The following GRIK2 variants were observed in gnomAD, a reference collection of about 807,000 sequenced individuals.
GRIK2 encodes the protein glutamate ionotropic receptor kainate type subunit 2, also known as glutamate receptor ionotropic, kainate 2.
A neutral mutation model predicts 100.3 loss-of-function variants in GRIK2; 32 were observed. That is an observed-to-expected ratio of 0.32 (90% confidence interval 0.24 to 0.43). GRIK2 has a LOEUF of 0.43. Ranked by LOEUF, GRIK2 falls within the 20% of genes least tolerant of loss-of-function variation. The pLI is 1.00. For missense variants in GRIK2, 843 were observed against 1,114.9 expected (o/e 0.76, Z 3.47); for synonymous variants, 417 against 389.4 (o/e 1.07, Z -0.83).
At chr6:101,775,695 G>A (rs1331747536) in intron 7 of GRIK2, among the ~76,000 whole-genome samples, 1 of 151,368 alleles carries the variant, frequency 6.6e-6, no homozygotes, top group Non-Finnish European at 1.5e-5. Flanking sequence ...ATTTCTAGGA[G>A]GTAATACATT....
At chr6:101,534,097 T>A (rs1489907535) in intron 2 of GRIK2, among the ~76,000 whole-genome samples, 1 of 151,692 alleles carries the variant, frequency 6.6e-6, no homozygotes, top group Non-Finnish European at 1.5e-5. Flanking sequence ...AGTTATGGAT[T>A]AAGTTAATCA....
rs149537179 is a variant in GRIK2 at position 101,947,873 on chromosome 6, C to T, written c.2085+19241C>T. On this transcript the variant is annotated intron_variant, in intron 14 of 16. Coordinates refer to ENST00000369134, the MANE Select transcript of GRIK2 (RefSeq NM_021956.5). Reference sequence around the variant, plus strand: ...TATCCTTTGATATTTGTCAGACATGCTTAACCCCAACTAGGAGAATGTTGT... The same window carrying T: ...TATCCTTTGATATTTGTCAGACATGTTTAACCCCAACTAGGAGAATGTTGT... 4.7e-3 allele frequency among the ~76,000 whole-genome samples: 719 copies of T among 152,206 alleles called. 8 individuals are homozygous for T. The highest frequency in any genetic ancestry group is 0.017 in the African/African-American group (702 of 41,544).
chr6:102,034,698 C>A (rs555828571), intron 14 of GRIK2, among the ~76,000 whole-genome samples: 1 of 151,264 alleles, frequency 6.6e-6, no homozygotes, highest in African/African-American at 2.4e-5. Flanking sequence ...ATTTAGTAGG[C>A]CTGAATAATA....
At chr6:101,707,532 G>A (rs1773391952) in intron 7 of GRIK2, among the ~76,000 whole-genome samples, 1 of 139,582 alleles carries the variant, frequency 7.2e-6, no homozygotes. Context: ...AAATATATAT[G>A]TGTGTATATA....
intron 2 of GRIK2, among the ~76,000 whole-genome samples, chr6:101,584,647 T>C (rs1404575685): frequency 6.6e-6 from 1 of 152,038 alleles, no homozygotes; most frequent in Non-Finnish European, 1.5e-5. Context: ...TTCTGTACTG[T>C]ACAATTGTTT....
intron 2 of GRIK2, among the ~76,000 whole-genome samples, chr6:101,574,488 A>T (rs1777708434): frequency 6.6e-6 from 1 of 151,218 alleles, no homozygotes; most frequent in Admixed American, 6.6e-5. Context: ...AGAAGGAAAA[A>T]CAAACATGTA....
At chr6:101,459,173 C>T (rs1771166620) in intron 2 of GRIK2, among the ~76,000 whole-genome samples, 1 of 151,862 alleles carries the variant, frequency 6.6e-6, no homozygotes, top group Admixed American at 6.6e-5. Flanking sequence ...GTAATGAAAA[C>T]TATCCATGCA....
At chr6:101,588,662 G>GCACACGCACACACACGCGCACACGCACA (rs143076626) in intron 2 of GRIK2, among the ~76,000 whole-genome samples, 1 of 146,330 alleles carries the variant, frequency 6.8e-6, no homozygotes, top group East Asian at 2.0e-4. Context: ...TGACACACAC[G>GCACACGCACACACACGCGCACACGCACA]CACACGCACA....
intron 14 of GRIK2, among the ~76,000 whole-genome samples, chr6:102,010,349 T>TTCCTCC (rs1795462337): frequency 7.0e-6 from 1 of 142,312 alleles, no homozygotes; most frequent in African/African-American, 2.5e-5. Flanking sequence ...CCGCCCTCCT[T>TTCCTCC]TCCTCCTCCT....
intron 14 of GRIK2, among the ~76,000 whole-genome samples, chr6:101,967,955 G>T (rs1405999608): frequency 6.6e-6 from 1 of 150,376 alleles, no homozygotes; most frequent in African/African-American, 2.5e-5. Flanking sequence ...AACAGTAGGA[G>T]AAATAGGAGG....
At chr6:101,781,343 A>C (rs1284012390) in intron 7 of GRIK2, among the ~76,000 whole-genome samples, 1 of 152,136 alleles carries the variant, frequency 6.6e-6, no homozygotes. Flanking sequence ...TCCTGTCCAT[A>C]CTTGATGATT....
At chr6:101,949,546 C>G (rs1257694481) in intron 14 of GRIK2, among the ~76,000 whole-genome samples, 1 of 152,026 alleles carries the variant, frequency 6.6e-6, no homozygotes, top group Non-Finnish European at 1.5e-5. Flanking sequence ...GTGTGATGTT[C>G]CCTGCCCTGT....
At chr6:101,480,667 G>T (rs1772480648) in intron 2 of GRIK2, among the ~76,000 whole-genome samples, 1 of 151,948 alleles carries the variant, frequency 6.6e-6, no homozygotes, top group Admixed American at 6.6e-5. Context: ...TTATTTTAGT[G>T]TGTTACCAAG....
At chr6:101,698,698 A>G (rs1303733534) in intron 7 of GRIK2, among the ~76,000 whole-genome samples, 3 of 152,194 alleles carry the variant, frequency 2.0e-5, no homozygotes, top group Non-Finnish European at 4.4e-5. Flanking sequence ...GAAGGATAAG[A>G]AAAATATAAA....
At chr6:101,650,884 C>G (rs1470385536) in intron 4 of GRIK2, among the ~76,000 whole-genome samples, 1 of 152,060 alleles carries the variant, frequency 6.6e-6, no homozygotes, top group Non-Finnish European at 1.5e-5. Context: ...CACCTAGTAA[C>G]AGCCATCGCA....
chr6:101,753,174 T>C (rs1025781972), intron 7 of GRIK2, among the ~76,000 whole-genome samples: 3 of 150,002 alleles, frequency 2.0e-5, no homozygotes, highest in African/African-American at 4.9e-5. Flanking sequence ...CCCAGCTACT[T>C]GGAGAGGCTG....
intron 12 of GRIK2, 199 bp downstream of exon 12, chr6:101,890,062 G>A: frequency 3.5e-6 from 2 of 570,066 alleles, no homozygotes; most frequent in South Asian, 4.5e-5. Context: ...CATGCTGGTT[G>A]TGTCAGTAAG....
intron 10 of GRIK2, among the ~76,000 whole-genome samples, chr6:101,826,012 A>G (rs906212078): frequency 1.2e-4 from 18 of 151,974 alleles, no homozygotes; most frequent in African/African-American, 4.3e-4. Context: ...AGGACTCACA[A>G]TGCTGATTTT....
At chr6:101,541,716 A>G (rs913008686) in intron 2 of GRIK2, among the ~76,000 whole-genome samples, 8 of 151,940 alleles carry the variant, frequency 5.3e-5, no homozygotes, top group Non-Finnish European at 1.2e-4. Flanking sequence ...ACCCCCTTTC[A>G]TAGATACGAG....
Sources: allele counts gnomAD v4.1 joint callset (sites outside exome capture counted in the v4.1 genomes callset), GRCh38; gene constraint gnomAD v4.1.1; transcripts MANE v1.5; gene names NCBI Gene and HGNC (gene_info 2026-07-23, HGNC 2026-07-21).